The following DOCK8 variants were observed in gnomAD, a reference collection of about 807,000 sequenced individuals.
DOCK8 encodes the protein dedicator of cytokinesis 8.
A neutral mutation model predicts 245.6 loss-of-function variants in DOCK8; 141 were observed. That is an observed-to-expected ratio of 0.57 (90% CI 0.50 to 0.66). The LOEUF (loss-of-function observed/expected upper bound fraction) is 0.66, where lower values mean the gene tolerates loss of function less well. Among genes scored for constraint, DOCK8 ranks in the 30% least tolerant of loss-of-function variants. The pLI, the probability that DOCK8 is intolerant of heterozygous loss-of-function variation, is 0.00. For missense variants in DOCK8, 2,965 were observed against 2,603.4 expected (o/e 1.14, Z -3.02); for synonymous variants, 1,168 against 970.2 (o/e 1.20, Z -3.79).
chr9:441,180 C>A, intron 40 of DOCK8, 106 bp from the exon 41 acceptor site: 1 of 1,521,994 alleles, frequency 6.6e-7, no homozygotes, highest in Non-Finnish European at 9.1e-7. Flanking sequence ...TGTGATACAA[C>A]AATAAATTCA....
At chr9:382,836 A>C in intron 22 of DOCK8, 151 bp downstream of exon 22, 1 of 1,059,516 alleles carries the variant, frequency 9.4e-7, no homozygotes, top group Non-Finnish European at 1.4e-6. Flanking sequence ...AACGTTCTTT[A>C]GAACAGATTA....
chr9:366,331 A>G (rs543446735), intron 14 of DOCK8: 1 of 152,476 alleles, frequency 6.6e-6, no homozygotes, highest in South Asian at 2.1e-4. Flanking sequence ...GTCACCCAAA[A>G]TAGAGAGATG....
intron 27 of DOCK8, among the ~76,000 whole-genome samples, chr9:405,300 A>G (rs1346723158): frequency 6.6e-6 from 1 of 152,232 alleles, no homozygotes; most frequent in Non-Finnish European, 1.5e-5. Context: ...CAGGTTAAGT[A>G]AAGCCAAGAA....
chr9:232,330 T>G (rs1325486209), intron 1 of DOCK8, among the ~76,000 whole-genome samples: 1 of 152,212 alleles, frequency 6.6e-6, no homozygotes, highest in Non-Finnish European at 1.5e-5. Context: ...ACATCAATGT[T>G]CATCAAGGAT....
rs758688702 is a variant in DOCK8 at position 240,820 on chromosome 9, AAT to A, written c.53+25796_53+25797del. 6.3e-4 allele frequency among the ~76,000 whole-genome samples: 96 copies of A among 152,302 alleles called. 1 individual carries two copies. The highest frequency in any genetic ancestry group is 9.7e-4 in the Non-Finnish European group (66 of 68,014). ...CAGATCATCTGTAAGTGCGTAAACT[AAT>A]ATATCATGTCAGATAATGTCTCATT... is the stretch of plus-strand genomic sequence containing the variant. On this transcript the variant is annotated intron_variant, in intron 1 of 47. Coordinates refer to ENST00000432829, the MANE Select transcript of DOCK8 (RefSeq NM_203447.4).
At chr9:424,227 T>TGCACATTAGAATCACCTGGGGA (rs60587915) in intron 33 of DOCK8, among the ~76,000 whole-genome samples, 2,832 of 151,528 alleles carry the variant, frequency 0.019, 87 homozygotes, top group South Asian at 0.069. Flanking sequence ...CAACTTAGGC[T>TGCACATTAGAATCACCTGGGGA]GCACATTAGA....
At chr9:400,726 C>T (rs2054927689) in intron 26 of DOCK8, among the ~76,000 whole-genome samples, 1 of 125,722 alleles carries the variant, frequency 8.0e-6, no homozygotes, top group Admixed American at 7.7e-5. Flanking sequence ...TCACCACCAC[C>T]ACCTCCACCA....
In DOCK8 at chr9:441,394, G is replaced by A; in HGVS notation, c.5332G>A (p.Ala1778Thr). 2 of 1,614,216 alleles carry A rather than the reference G, an allele frequency of 1.2e-6. No individual in the cohort carries two copies. Among genetic ancestry groups the A allele is most frequent in the South Asian group, 1.1e-5 (1 of 91,088 alleles). The change falls in exon 41 of 48, where the codon GCC becomes ACC. Residue 1778 changes from alanine to threonine, a missense_variant. Coordinates refer to ENST00000432829, the MANE Select transcript of DOCK8 (RefSeq NM_203447.4). The part of the protein sequence containing the change: ...LTLTHSKLQR[A>T]FDSIVNKDHK... ...ACTCACTCACAGCAAGCTGCAGAGA[G>A]CCTTCGACAGCATCGTTAACAAGGT...
chr9:324,874 G>A (rs532759086), intron 7 of DOCK8, among the ~76,000 whole-genome samples: 1 of 152,240 alleles, frequency 6.6e-6, no homozygotes, highest in African/African-American at 2.4e-5. Context: ...TTGGTTACAT[G>A]GATGAATTGT....
At chr9:212,261 G>A (rs939269986), upstream of DOCK8, among the ~76,000 whole-genome samples, 2 of 152,180 alleles carry the variant, frequency 1.3e-5, no homozygotes, top group African/African-American at 4.8e-5. Context: ...AAAGAGGTCG[G>A]CTTTCTGGGG....
At chr9:329,043 G>A (rs1006200038) in intron 9 of DOCK8, among the ~76,000 whole-genome samples, 5 of 137,288 alleles carry the variant, frequency 3.6e-5, no homozygotes, top group East Asian at 2.3e-4. Context: ...TCCACCTCCC[G>A]GGTTCAAACG....
intron 18 of DOCK8, 128 bp from the exon 19 acceptor site, chr9:376,067 CTCCAAGAACAGTTAG>C: frequency 1.4e-6 from 1 of 708,502 alleles, no homozygotes; most frequent in Non-Finnish European, 2.5e-6. Flanking sequence ...GGGCTCCTGA[CTCCAAGAACAGTTAG>C]ATTAGTTTTC....
chr9:264,495 G>GA (rs1221677741), intron 1 of DOCK8, among the ~76,000 whole-genome samples: 5 of 152,174 alleles, frequency 3.3e-5, no homozygotes, highest in African/African-American at 1.2e-4. Context: ...CTGTTTATGA[G>GA]AAGAGATAGA....
chr9:410,837 GA>G (rs930641713), intron 28 of DOCK8, among the ~76,000 whole-genome samples: 3 of 151,876 alleles, frequency 2.0e-5, no homozygotes, highest in Admixed American at 2.0e-4. Context: ...AGCTGACCAA[GA>G]AAAAAGGAAG....
In DOCK8 at chr9:289,597, T is replaced by C. The variant is rs373976442; in HGVS notation, c.404+16T>C. 148 of 1,582,972 alleles carry C rather than the reference T, an allele frequency of 9.3e-5. 1 individual carries two copies. The Middle Eastern group carries it at 9.5e-4, about 10-fold the overall frequency. The stretch of plus-strand genomic sequence containing the variant: ...TGAACCGGAAGTAAGTTACTTTTTT[T>C]CCACTTTTTGTATATAAATATTAAT... On this transcript the variant is annotated intron_variant, in intron 4 of 47. Transcript: ENST00000432829.
intron 4 of DOCK8, among the ~76,000 whole-genome samples, chr9:298,921 G>A (rs1238394124): frequency 4.0e-5 from 6 of 150,554 alleles, no homozygotes; most frequent in Non-Finnish European, 7.4e-5. Context: ...AAGGCAAAGG[G>A]CAAATACTAA....
At chr9:237,729 C>T (rs2047288105) in intron 1 of DOCK8, among the ~76,000 whole-genome samples, 1 of 152,018 alleles carries the variant, frequency 6.6e-6, no homozygotes, top group African/African-American at 2.4e-5. Context: ...TAAAGACTTC[C>T]TAGAAATCCC....
At chr9:339,451 T>A (rs151018246) in intron 13 of DOCK8, among the ~76,000 whole-genome samples, 1,605 of 152,326 alleles carry the variant, frequency 0.011, 29 homozygotes, top group African/African-American at 0.036. Flanking sequence ...GCATCTTCCT[T>A]ATCCTCACTC....
At chr9:227,625 C>T (rs572753645) in intron 1 of DOCK8, among the ~76,000 whole-genome samples, 98 of 152,156 alleles carry the variant, frequency 6.4e-4, no homozygotes, top group African/African-American at 2.2e-3. Flanking sequence ...CCTAGCCCAC[C>T]CTAACACAGA....
Sources: gnomAD v4.1 joint callset for allele counts (sites outside exome capture counted in the v4.1 genomes callset) on GRCh38, gnomAD v4.1.1 for gene constraint, MANE v1.5 for transcripts, NCBI Gene and HGNC (gene_info 2026-07-23, HGNC 2026-07-21) for gene names.